Variants in BACH2 observed in about 807,000 individuals in gnomAD.
BACH2 encodes the protein transcription regulator protein BACH2.
In BACH2, 5 loss-of-function variants were observed where a neutral mutation model predicts 61.8. The observed-to-expected ratio is 0.08, with a 90% CI of 0.04 to 0.17. BACH2 has a LOEUF of 0.17. Among genes scored for constraint, BACH2 ranks in the 10% least tolerant of loss-of-function variants. The probability of loss-of-function intolerance (pLI) is 1.00; values close to 1 mark genes in which losing one functional copy is unlikely to be tolerated. For missense variants in BACH2, 824 were observed against 1,091.1 expected (o/e 0.76, Z 3.45); for synonymous variants, 446 against 440.1 (o/e 1.01, Z -0.17).
chr6:90,163,594 TAAATC>T (rs921046920), intron 4 of BACH2, among the ~76,000 whole-genome samples: 7 of 152,136 alleles, frequency 4.6e-5, no homozygotes, highest in African/African-American at 1.7e-4. Context: ...AAAAATATTT[TAAATC>T]AAGACTAAAG....
At chr6:90,053,557 G>T (rs1403980552) in intron 5 of BACH2, among the ~76,000 whole-genome samples, 1 of 152,184 alleles carries the variant, frequency 6.6e-6, no homozygotes, top group Non-Finnish European at 1.5e-5. Flanking sequence ...GGGATTACAG[G>T]TGTGTGTCAC....
At chr6:90,092,755 T>C (rs1375006450) in intron 4 of BACH2, among the ~76,000 whole-genome samples, 1 of 152,206 alleles carries the variant, frequency 6.6e-6, no homozygotes, top group Admixed American at 6.5e-5. Flanking sequence ...GTTTTATTTC[T>C]AAATTGGCTA....
chr6:90,217,784 A>G (rs954561902), intron 3 of BACH2, among the ~76,000 whole-genome samples: 1 of 152,224 alleles, frequency 6.6e-6, no homozygotes, highest in East Asian at 1.9e-4. Context: ...TGGTATAAAC[A>G]GTAAACAAAA....
At chr6:90,252,036 C>G (rs2127870691) in intron 3 of BACH2, among the ~76,000 whole-genome samples, 1 of 152,216 alleles carries the variant, frequency 6.6e-6, no homozygotes, top group African/African-American at 2.4e-5. Flanking sequence ...ATACACTGTG[C>G]TTTTTAGCAT....
chr6:89,955,881 G>T (rs1435956253), intron 6 of BACH2, among the ~76,000 whole-genome samples: 1 of 152,168 alleles, frequency 6.6e-6, no homozygotes, highest in East Asian at 1.9e-4. Flanking sequence ...AAATAAGAGG[G>T]GGGTGGGAGG....
At chr6:90,167,683 G>A in intron 4 of BACH2, among the ~76,000 whole-genome samples, 1 of 152,208 alleles carries the variant, frequency 6.6e-6, no homozygotes, top group East Asian at 1.9e-4. Context: ...TCTGACTTCA[G>A]CTGGAGCTTC....
chr6:90,003,650 G>A (rs754988456), intron 6 of BACH2, among the ~76,000 whole-genome samples: 2 of 152,186 alleles, frequency 1.3e-5, no homozygotes, highest in African/African-American at 2.4e-5. Context: ...AGCCCAGAGA[G>A]GAAGACTAGT....
At chr6:90,237,881 G>A (rs759760482) in intron 3 of BACH2, among the ~76,000 whole-genome samples, 11 of 152,126 alleles carry the variant, frequency 7.2e-5, no homozygotes, top group African/African-American at 1.4e-4. Flanking sequence ...AACGGTGGAC[G>A]AGCAATAAAG....
chr6:89,945,177 G>T (rs1324787536), intron 7 of BACH2, among the ~76,000 whole-genome samples: 1 of 152,138 alleles, frequency 6.6e-6, no homozygotes, highest in Non-Finnish European at 1.5e-5. Flanking sequence ...GAATATTATG[G>T]AAATAACTGA....
intron 8 of BACH2, among the ~76,000 whole-genome samples, chr6:89,935,378 C>G (rs575812243): frequency 4.6e-5 from 7 of 152,276 alleles, no homozygotes; most frequent in Non-Finnish European, 8.8e-5. Context: ...GAGAGGAACC[C>G]CAGGATCATT....
chr6:90,172,061 A>C (rs1767832237), intron 4 of BACH2, among the ~76,000 whole-genome samples: 1 of 152,212 alleles, frequency 6.6e-6, no homozygotes. Flanking sequence ...TAATTCCAGC[A>C]CTTTGGGAGG....
intron 5 of BACH2, among the ~76,000 whole-genome samples, chr6:90,086,881 T>G (rs537393154): frequency 6.6e-6 from 1 of 152,304 alleles, no homozygotes; most frequent in Admixed American, 6.5e-5. Flanking sequence ...CAGAATAAAC[T>G]AGTGCTTGTT....
chr6:90,106,835 C>T (rs1186098178), intron 4 of BACH2, among the ~76,000 whole-genome samples: 1 of 152,210 alleles, frequency 6.6e-6, no homozygotes, highest in African/African-American at 2.4e-5. Flanking sequence ...CAATCTGCCT[C>T]CTTGTAGCCT....
intron 4 of BACH2, among the ~76,000 whole-genome samples, chr6:90,093,704 T>C (rs1782266952): frequency 2.0e-5 from 3 of 152,158 alleles, no homozygotes; most frequent in Non-Finnish European, 4.4e-5. Context: ...AGTCCTTCAA[T>C]AGGTATTCAC....
At chr6:90,185,963 G>C (rs949223324) in intron 4 of BACH2, among the ~76,000 whole-genome samples, 1 of 152,158 alleles carries the variant, frequency 6.6e-6, no homozygotes, top group East Asian at 1.9e-4. Flanking sequence ...CACAGAATAA[G>C]AACATACATT....
intron 6 of BACH2, among the ~76,000 whole-genome samples, chr6:89,994,332 T>C (rs1290118912): frequency 6.6e-6 from 1 of 152,128 alleles, no homozygotes; most frequent in Non-Finnish European, 1.5e-5. Context: ...AAAATGACAC[T>C]AGTCATTTCC....
At chr6:90,142,370 C>A (rs1274105259) in intron 4 of BACH2, among the ~76,000 whole-genome samples, 1 of 152,138 alleles carries the variant, frequency 6.6e-6, no homozygotes, top group Non-Finnish European at 1.5e-5. Flanking sequence ...AGCATGGCAT[C>A]CAATCCTAGG....
chr6:90,239,570 T>C (rs1417356711), intron 3 of BACH2, among the ~76,000 whole-genome samples: 2 of 152,238 alleles, frequency 1.3e-5, no homozygotes, highest in South Asian at 2.1e-4. Flanking sequence ...AAATTATTTA[T>C]GTATGCATGT....
intron 4 of BACH2, among the ~76,000 whole-genome samples, chr6:90,181,438 C>G (rs1768159964): frequency 6.6e-6 from 1 of 150,942 alleles, no homozygotes; most frequent in Non-Finnish European, 1.5e-5. Context: ...GGAGAGTGAT[C>G]CAGACAAAAG....
Sources: allele counts gnomAD v4.1 joint callset (sites outside exome capture counted in the v4.1 genomes callset), GRCh38; gene constraint gnomAD v4.1.1; transcripts MANE v1.5; gene names NCBI Gene and HGNC (gene_info 2026-07-23, HGNC 2026-07-21).